Variants in SOX5 observed in about 807,000 individuals in gnomAD.
The protein encoded by SOX5 is SRY-box transcription factor 5.
SOX5 carries 9 observed loss-of-function variants against 92.0 expected under a neutral mutation model. That is an observed-to-expected ratio of 0.10 (90% CI 0.06 to 0.17). The LOEUF (loss-of-function observed/expected upper bound fraction) is 0.17, where lower values mean the gene tolerates loss of function less well. SOX5 is among the 10% of genes least tolerant of loss of function. The probability of loss-of-function intolerance (pLI) is 1.00; values close to 1 mark genes in which losing one functional copy is unlikely to be tolerated. For missense variants in SOX5, 642 were observed against 944.5 expected, an observed-to-expected ratio of 0.68 and a Z score of 4.20; for synonymous variants, 344 against 336.3, an observed-to-expected ratio of 1.02 and a Z score of -0.25.
intron 1 of SOX5, among the ~76,000 whole-genome samples, chr12:24,372,586 T>A (rs1160341852): frequency 4.6e-5 from 7 of 152,202 alleles, no homozygotes; most frequent in Admixed American, 3.3e-4. Flanking sequence ...AGTGCCACAA[T>A]AAAGATACAT....
intron 3 of SOX5, among the ~76,000 whole-genome samples, chr12:23,774,381 C>G (rs2095034613): frequency 6.6e-6 from 1 of 152,030 alleles, no homozygotes; most frequent in African/African-American, 2.4e-5. Flanking sequence ...GTGGCACTAG[C>G]CAGAATATTT....
intron 3 of SOX5, among the ~76,000 whole-genome samples, chr12:24,216,646 G>C (rs1959182408): frequency 6.6e-6 from 1 of 152,066 alleles, no homozygotes; most frequent in African/African-American, 2.4e-5. Flanking sequence ...CATGAGCTCG[G>C]GTGCGGTGGC....
chr12:23,843,446 C>T (rs575742843), intron 3 of SOX5, among the ~76,000 whole-genome samples: 1 of 149,936 alleles, frequency 6.7e-6, no homozygotes, highest in Non-Finnish European at 1.5e-5. Flanking sequence ...GTACTATCTG[C>T]TTAATTTTTC....
chr12:24,133,242 G>A (rs1949817282), intron 4 of SOX5, among the ~76,000 whole-genome samples: 1 of 152,200 alleles, frequency 6.6e-6, no homozygotes, highest in African/African-American at 2.4e-5. Context: ...ACTCCCTGGA[G>A]AAAGAGTCAT....
chr12:24,350,437 C>G (rs1953927332), intron 2 of SOX5, among the ~76,000 whole-genome samples: 1 of 152,166 alleles, frequency 6.6e-6, no homozygotes, highest in Non-Finnish European at 1.5e-5. Context: ...CTCAACCTCC[C>G]AGGCTCAAGA....
At chr12:24,431,678 G>T (rs942713795) in intron 1 of SOX5, among the ~76,000 whole-genome samples, 1 of 152,138 alleles carries the variant, frequency 6.6e-6, no homozygotes, top group Non-Finnish European at 1.5e-5. Flanking sequence ...TTGCATAGCA[G>T]AAACTTCATA....
At chr12:24,530,796 A>G (rs1197495127) in intron 1 of SOX5, among the ~76,000 whole-genome samples, 1 of 151,594 alleles carries the variant, frequency 6.6e-6, no homozygotes, top group Non-Finnish European at 1.5e-5. Context: ...TTAATCCAAC[A>G]CTCTCTGTTG....
intron 7 of SOX5, among the ~76,000 whole-genome samples, chr12:23,641,704 C>T (rs1351559036): frequency 6.6e-6 from 1 of 152,018 alleles, no homozygotes; most frequent in Non-Finnish European, 1.5e-5. Context: ...GTACAATAGA[C>T]CTGTTGCATA....
chr12:23,618,406 G>C (rs1315690156), intron 8 of SOX5, among the ~76,000 whole-genome samples: 1 of 152,102 alleles, frequency 6.6e-6, no homozygotes, highest in South Asian at 2.1e-4. Flanking sequence ...CAACAGATTG[G>C]GGGGTAGTAA....
At chr12:23,910,810 C>A (rs1362541415) in intron 1 of SOX5, among the ~76,000 whole-genome samples, 3 of 152,054 alleles carry the variant, frequency 2.0e-5, no homozygotes, top group African/African-American at 7.2e-5. Flanking sequence ...ATTTCTTCCC[C>A]AACCTGTGTA....
At chr12:24,339,436 A>G (rs1022250822) in intron 2 of SOX5, among the ~76,000 whole-genome samples, 5 of 152,186 alleles carry the variant, frequency 3.3e-5, no homozygotes, top group African/African-American at 1.2e-4. Flanking sequence ...CATGATGGTT[A>G]CAGTAGAAAA....
chr12:24,512,936 T>C (rs746984522), intron 1 of SOX5, among the ~76,000 whole-genome samples: 1 of 152,194 alleles, frequency 6.6e-6, no homozygotes, highest in Non-Finnish European at 1.5e-5. Flanking sequence ...CAACTTACGA[T>C]GGTTGCACTT....
Position 23,569,058 on chromosome 12 carries a change from GTGCT to G in SOX5, c.1343-5659_1343-5656del, listed in dbSNP as rs574079035. Among the ~76,000 whole-genome samples the G allele has an allele frequency of 1.6e-3, 246 of 152,214 alleles. 1 individual carries two copies. The highest frequency in any genetic ancestry group is 2.7e-3 in the Non-Finnish European group (183 of 68,004). On this transcript the variant is annotated intron_variant, in intron 10 of 14. Transcript: ENST00000451604. ...CACAAAAAATTAGTGGAGCATGGTG[GTGCT>G]TGCCTGTAGTCCCAGCTACTTGGGG...
At chr12:24,511,239 A>G (rs1949275770) in intron 1 of SOX5, among the ~76,000 whole-genome samples, 3 of 152,282 alleles carry the variant, frequency 2.0e-5, no homozygotes. Context: ...AAATATTCTA[A>G]TTTATTTTAA....
chr12:23,879,758 C>T (rs1443680608), intron 2 of SOX5, among the ~76,000 whole-genome samples: 1 of 152,154 alleles, frequency 6.6e-6, no homozygotes, highest in Non-Finnish European at 1.5e-5. Context: ...GCTAAATAGT[C>T]TTTTTGTATT....
intron 4 of SOX5, among the ~76,000 whole-genome samples, chr12:24,068,743 TATATACAC>T (rs1460460433): frequency 7.5e-4 from 60 of 79,586 alleles, no homozygotes; most frequent in African/African-American, 2.7e-3. Context: ...TATATATATA[TATATACAC>T]ACACACACAT....
chr12:24,069,992 C>T (rs2137419083), intron 4 of SOX5, among the ~76,000 whole-genome samples: 1 of 152,250 alleles, frequency 6.6e-6, no homozygotes, highest in East Asian at 1.9e-4. Flanking sequence ...CCAGGCCTAA[C>T]ATTACACCAG....
chr12:24,102,792 A>G (rs1447109338), intron 4 of SOX5, among the ~76,000 whole-genome samples: 3 of 152,246 alleles, frequency 2.0e-5, no homozygotes, highest in Non-Finnish European at 4.4e-5. Flanking sequence ...TGAATGAAGT[A>G]CAGGGCAGTG....
At chr12:24,099,164 TA>T (rs1486404493) in intron 4 of SOX5, among the ~76,000 whole-genome samples, 1 of 152,174 alleles carries the variant, frequency 6.6e-6, no homozygotes, top group Non-Finnish European at 1.5e-5. Flanking sequence ...TTTCTTTCTG[TA>T]ATAATCCACC....
Sources: allele counts gnomAD v4.1 joint callset (sites outside exome capture counted in the v4.1 genomes callset), GRCh38; gene constraint gnomAD v4.1.1; transcripts MANE v1.5; gene names NCBI Gene and HGNC (gene_info 2026-07-23, HGNC 2026-07-21).